Variants in AVEN observed in about 807,000 individuals in gnomAD.
The protein encoded by AVEN is apoptosis and caspase activation inhibitor, also known as cell death regulator Aven.
In AVEN, 41 loss-of-function variants were observed where a neutral mutation model predicts 38.1. The observed-to-expected ratio is 1.08, with a 90% CI of 0.84 to 1.40. AVEN has a LOEUF of 1.40. Ranked by LOEUF, AVEN falls within the 40% of genes most tolerant of loss-of-function variation. The probability of loss-of-function intolerance (pLI) is 0.00; values close to 1 mark genes in which losing one functional copy is unlikely to be tolerated. For missense variants in AVEN, 605 were observed against 438.8 expected (o/e 1.38, Z -3.38); for synonymous variants, 206 against 171.8 (o/e 1.20, Z -1.56).
chr15:33,855,013 G>A, downstream of AVEN: 3 of 1,200,150 alleles, frequency 2.5e-6, no homozygotes, highest in East Asian at 5.6e-5. Flanking sequence ...AATATGTCTT[G>A]GTATATAATG....
chr15:33,860,664 T>C, intron 11 of AVEN: 4 of 1,575,118 alleles, frequency 2.5e-6, no homozygotes, highest in Non-Finnish European at 3.5e-6. Context: ...ATGGAGGTAA[T>C]GTTACTCTAA....
At chr15:34,030,400 C>T (rs1403874157) in intron 1 of AVEN, among the ~76,000 whole-genome samples, 2 of 151,540 alleles carry the variant, frequency 1.3e-5, no homozygotes, top group African/African-American at 2.4e-5. Context: ...GGCTGGAGTG[C>T]AGTGGCGCAA....
chr15:33,944,901 T>A (rs749934810), intron 2 of AVEN, among the ~76,000 whole-genome samples: 1 of 151,930 alleles, frequency 6.6e-6, no homozygotes, highest in South Asian at 2.1e-4. Flanking sequence ...AGCAGATATA[T>A]AGAAAGTCCT....
At chr15:33,878,667 T>A (rs1891354672) in intron 2 of AVEN, among the ~76,000 whole-genome samples, 1 of 152,190 alleles carries the variant, frequency 6.6e-6, no homozygotes, top group Non-Finnish European at 1.5e-5. Context: ...GGCTGAGAAG[T>A]AACGTTTGTA....
intron 4 of AVEN, chr15:34,064,271 A>G (rs778538576): frequency 1.2e-6 from 2 of 1,614,114 alleles, no homozygotes; most frequent in East Asian, 2.2e-5. Flanking sequence ...AAAAGAAAAA[A>G]GTGGAAGAGA....
intron 2 of AVEN, among the ~76,000 whole-genome samples, chr15:33,935,366 A>G (rs1480358203): frequency 6.6e-6 from 1 of 152,130 alleles, no homozygotes; most frequent in Non-Finnish European, 1.5e-5. Flanking sequence ...CAAACTGGAG[A>G]ATGTTTGTAA....
At chr15:34,071,785 G>A (rs1900631399) in intron 1 of AVEN, among the ~76,000 whole-genome samples, 1 of 152,138 alleles carries the variant, frequency 6.6e-6, no homozygotes, top group African/African-American at 2.4e-5. Flanking sequence ...GTATTTGGAG[G>A]ACTACTCTTT....
At chr15:33,961,778 A>AGT (rs1895192625) in intron 2 of AVEN, among the ~76,000 whole-genome samples, 1 of 126,238 alleles carries the variant, frequency 7.9e-6, no homozygotes, top group Non-Finnish European at 1.6e-5. Flanking sequence ...GCGCCACTGC[A>AGT]CTCCAGCCTG....
At chr15:34,049,454 C>T (rs1439378045) in intron 5 of AVEN, among the ~76,000 whole-genome samples, 1 of 151,976 alleles carries the variant, frequency 6.6e-6, no homozygotes, top group Admixed American at 6.6e-5. Flanking sequence ...AAAAGAATCG[C>T]AGAGTTTGAA....
At chr15:34,024,870 A>AG (rs1179299301) in intron 1 of AVEN, among the ~76,000 whole-genome samples, 1 of 147,988 alleles carries the variant, frequency 6.8e-6, no homozygotes, top group Non-Finnish European at 1.5e-5. Context: ...CAAAAAAAAA[A>AG]GGAAAAAATA....
chr15:34,015,390 G>A (rs1419099773), intron 1 of AVEN, among the ~76,000 whole-genome samples: 3 of 152,054 alleles, frequency 2.0e-5, no homozygotes, highest in Non-Finnish European at 2.9e-5. Context: ...GCTGAGGCAG[G>A]AGAATAGCGT....
intron 2 of AVEN, among the ~76,000 whole-genome samples, chr15:33,882,870 A>G (rs1891548809): frequency 6.6e-6 from 1 of 152,102 alleles, no homozygotes; most frequent in Non-Finnish European, 1.5e-5. Context: ...AAGACCCAAG[A>G]CCCTGTCTCA....
chr15:33,854,722 T>C (rs748900792), downstream of AVEN: 23 of 1,573,584 alleles, frequency 1.5e-5, no homozygotes, highest in Admixed American at 1.9e-5. Context: ...ATGAGCACAC[T>C]ATGAGGCAAA....
At chr15:33,944,287 G>A (rs1474744364) in intron 2 of AVEN, among the ~76,000 whole-genome samples, 1 of 152,096 alleles carries the variant, frequency 6.6e-6, no homozygotes, top group African/African-American at 2.4e-5. Context: ...AATTAATTAG[G>A]CCATGATCCC....
rs1597254473 is a variant in AVEN at position 33,940,661 on chromosome 15, C to A, written c.445+62371G>T. On this transcript the variant is annotated intron_variant, in intron 2 of 5. Transcript: ENST00000306730. ...GGTTCAAGCGATTCTCCTGCCTCAG[C>A]CTCCCGAGTAGCTGGGACAACAGGC... Among the ~76,000 whole-genome samples the A allele has an allele frequency of 2.6e-5, 4 of 152,244 alleles. No homozygotes were observed. The East Asian group carries it at 7.7e-4, about 29-fold the overall frequency.
At chr15:34,049,258 T>A (rs889590369) in intron 5 of AVEN, among the ~76,000 whole-genome samples, 13 of 152,180 alleles carry the variant, frequency 8.5e-5, no homozygotes, top group Non-Finnish European at 1.8e-4. Flanking sequence ...CAAACTTCAC[T>A]GAGCTAAAGG....
At chr15:33,944,146 G>A (rs1382083787) in intron 2 of AVEN, among the ~76,000 whole-genome samples, 1 of 152,158 alleles carries the variant, frequency 6.6e-6, no homozygotes, top group African/African-American at 2.4e-5. Context: ...GAATAAAGTT[G>A]CCCAGAAGAC....
At chr15:34,017,459 G>A (rs1444285232) in intron 1 of AVEN, among the ~76,000 whole-genome samples, 2 of 147,822 alleles carry the variant, frequency 1.4e-5, no homozygotes, top group African/African-American at 2.5e-5. Context: ...ACCAAGATAA[G>A]TGATTTCAGT....
At chr15:33,896,613 A>C (rs1892244761) in intron 2 of AVEN, among the ~76,000 whole-genome samples, 1 of 152,204 alleles carries the variant, frequency 6.6e-6, no homozygotes, top group South Asian at 2.1e-4. Context: ...CAATCTGTCA[A>C]AAATTTAGCC....
Sources: gnomAD v4.1 joint callset for allele counts (sites outside exome capture counted in the v4.1 genomes callset) on GRCh38, gnomAD v4.1.1 for gene constraint, MANE v1.5 for transcripts, NCBI Gene and HGNC (gene_info 2026-07-23, HGNC 2026-07-21) for gene names.